The following PIK3CB variants were observed in gnomAD, a reference collection of about 807,000 sequenced individuals.
The protein encoded by PIK3CB is phosphatidylinositol 4,5-bisphosphate 3-kinase catalytic subunit beta isoform.
A neutral mutation model predicts 136.8 loss-of-function variants in PIK3CB; 39 were observed. The ratio of observed to expected loss-of-function variants is 0.29; its 90% CI spans 0.22 to 0.37. The LOEUF (loss-of-function observed/expected upper bound fraction) is 0.37. PIK3CB is among the 10% of genes least tolerant of loss of function. The pLI, the probability that PIK3CB is intolerant of heterozygous loss-of-function variation, is 1.00. For synonymous variants in PIK3CB, 428 were observed against 436.6 expected, an observed-to-expected ratio of 0.98 and a Z score of 0.25; for missense variants, 868 against 1,275.4, an observed-to-expected ratio of 0.68 and a Z score of 4.87.
chr3:138,667,833 G>A (rs1290689773), intron 19 of PIK3CB, among the ~76,000 whole-genome samples: 1 of 151,834 alleles, frequency 6.6e-6, no homozygotes, highest in Non-Finnish European at 1.5e-5. Context: ...TTGGGTGGCC[G>A]AGGCAGGTGG....
intron 1 of PIK3CB, among the ~76,000 whole-genome samples, chr3:138,814,650 C>G (rs1016238420): frequency 6.6e-6 from 1 of 152,060 alleles, no homozygotes; most frequent in Non-Finnish European, 1.5e-5. Flanking sequence ...CAACCGTTAT[C>G]CTTTGTCTCT....
At position 138,653,928 on chromosome 3, in the gene PIK3CB, G is replaced by A. The variant is rs1268543208; in HGVS notation, c.*1461C>T. On this transcript the variant is annotated 3_prime_UTR_variant, in exon 24 of 24. Transcript: ENST00000674063. Reference sequence around the variant, plus strand: ...CCATAATAAGCCTTAGCCTATTCCTGAGGTTGGTTTGTCTACTGACTTGGC... The same window carrying A: ...CCATAATAAGCCTTAGCCTATTCCTAAGGTTGGTTTGTCTACTGACTTGGC... 2 of 199,324 alleles carry A rather than the reference G, an allele frequency of 1.0e-5. No homozygotes were observed. 12.3% of individuals were successfully genotyped at this position (199,324 alleles called of 1,614,324 possible). A position where few individuals can be genotyped will look rare whatever the true frequency, so the allele number is the denominator to read the frequency against.
intron 1 of PIK3CB, among the ~76,000 whole-genome samples, chr3:138,806,513 TC>T (rs981579152): frequency 5.9e-5 from 9 of 152,074 alleles, no homozygotes; most frequent in African/African-American, 1.9e-4. Context: ...GTTATATTAT[TC>T]ACCCACATGA....
intron 2 of PIK3CB, among the ~76,000 whole-genome samples, chr3:138,785,788 C>T (rs754567705): frequency 8.0e-5 from 12 of 150,556 alleles, no homozygotes; most frequent in Admixed American, 1.3e-4. Flanking sequence ...CCAAATCCCC[C>T]GCTCCGAGAA....
At chr3:138,810,882 T>C (rs528598877) in intron 1 of PIK3CB, among the ~76,000 whole-genome samples, 1 of 151,820 alleles carries the variant, frequency 6.6e-6, no homozygotes, top group South Asian at 2.1e-4. Context: ...ATCGTGCCAC[T>C]GCACTCCAGC....
At chr3:138,789,100 C>A (rs1281756330) in intron 2 of PIK3CB, among the ~76,000 whole-genome samples, 1 of 151,294 alleles carries the variant, frequency 6.6e-6, no homozygotes, top group Non-Finnish European at 1.5e-5. Flanking sequence ...AATGGTATAG[C>A]CAGTATGGAA....
intron 6 of PIK3CB, among the ~76,000 whole-genome samples, chr3:138,735,829 G>T (rs926888893): frequency 6.6e-6 from 1 of 151,882 alleles, no homozygotes; most frequent in Admixed American, 6.6e-5. Context: ...ATACATTTTT[G>T]TCAGAGAAAA....
chr3:138,759,911 T>C (rs2045638312), intron 2 of PIK3CB, among the ~76,000 whole-genome samples: 1 of 152,058 alleles, frequency 6.6e-6, no homozygotes, highest in African/African-American at 2.4e-5. Flanking sequence ...GAGGGCCCTT[T>C]CTCTACAAGG....
chr3:138,653,424 C>T lies in PIK3CB; in HGVS notation c.*1965G>A, dbSNP rs181771529. Reference sequence around the variant, plus strand: ...GGAAAAACAGTTGACTTGAACTTCACTGATTTGGCATGTATTTATCAAGGC... The same window carrying T: ...GGAAAAACAGTTGACTTGAACTTCATTGATTTGGCATGTATTTATCAAGGC... On this transcript the variant is annotated 3_prime_UTR_variant, in exon 24 of 24. Coordinates refer to ENST00000674063, the MANE Select transcript of PIK3CB (RefSeq NM_006219.3). 1.8e-4 allele frequency: 31 copies of T among 175,822 alleles called. No individual in the cohort carries two copies. Among genetic ancestry groups the T allele is most frequent in the African/African-American group, 6.9e-4 (29 of 42,306 alleles). 10.9% of individuals were successfully genotyped at this position (175,822 alleles called of 1,614,324 possible). A position where few individuals can be genotyped will look rare whatever the true frequency, so the allele number is the denominator to read the frequency against.
chr3:138,806,074 G>A (rs2046231193), intron 1 of PIK3CB, among the ~76,000 whole-genome samples: 1 of 152,074 alleles, frequency 6.6e-6, no homozygotes, highest in Non-Finnish European at 1.5e-5. Context: ...AAAAGAATCA[G>A]AACTTCCTTA....
chr3:138,657,922 G>A, intron 21 of PIK3CB, 87 bp from the exon 22 acceptor site: 1 of 1,301,814 alleles, frequency 7.7e-7, no homozygotes, highest in Non-Finnish European at 1.1e-6. Context: ...TAGACCCCCA[G>A]GAACTATACC....
In PIK3CB at chr3:138,748,293, T is replaced by C. The variant is rs186193239; in HGVS notation, c.398-5512A>G. 5.3e-5 allele frequency among the ~76,000 whole-genome samples: 8 copies of C among 151,994 alleles called. No individual in the cohort carries two copies. The East Asian group carries it at 7.7e-4, about 15-fold the overall frequency. On this transcript the variant is annotated intron_variant, in intron 4 of 23. Transcript: ENST00000674063. The stretch of plus-strand genomic sequence containing the variant: ...GTATACTAACCCAACACCAATCACA[T>C]AAGATGCCTTGCTTCTAATTAGCCC...
At position 138,823,483 on chromosome 3, in the gene PIK3CB, T is replaced by C. The variant is rs545173070; in HGVS notation, c.-122+11212A>G. 4.6e-5 allele frequency among the ~76,000 whole-genome samples: 7 copies of C among 150,990 alleles called. No homozygotes were observed. The South Asian group carries it at 1.0e-3, about 23-fold the overall frequency. ...ACTTTGGGAGGTAGAGGTGGGCAGA[T>C]CACGAGGTCAGGAGATCGAGACCAT... On this transcript the variant is annotated intron_variant, in intron 1 of 23. Transcript: ENST00000674063.
chr3:138,783,292 T>C (rs1239761110), intron 2 of PIK3CB, among the ~76,000 whole-genome samples: 1 of 151,742 alleles, frequency 6.6e-6, no homozygotes, highest in African/African-American at 2.4e-5. Context: ...TTTTTTTTAA[T>C]TTTTTTTGGG....
chr3:138,662,419 T>G (rs1284458929), intron 21 of PIK3CB, among the ~76,000 whole-genome samples: 2 of 151,086 alleles, frequency 1.3e-5, no homozygotes, highest in Admixed American at 1.3e-4. Context: ...ATTTCATCCA[T>G]GTCCCTACAA....
Position 138,735,300 on chromosome 3 carries a change from G to C in PIK3CB, c.802-496C>G, listed in dbSNP as rs905396481. Among the ~76,000 whole-genome samples the C allele has an allele frequency of 2.6e-5, 4 of 152,054 alleles. No individual in the cohort carries two copies. The Middle Eastern group carries it at 0.014, about 517-fold the overall frequency. On this transcript the variant is annotated intron_variant, in intron 6 of 23. Transcript: ENST00000674063. ...ATACAAAAAATAGCTATCATTAACTGAACACCTAAGTACCTAAAGAAATGA... is the reference window on the plus strand; with the variant it reads ...ATACAAAAAATAGCTATCATTAACTCAACACCTAAGTACCTAAAGAAATGA...
chr3:138,658,238 C>A (rs892982367), intron 21 of PIK3CB, among the ~76,000 whole-genome samples: 8 of 152,064 alleles, frequency 5.3e-5, no homozygotes, highest in African/African-American at 1.9e-4. Flanking sequence ...CACTTGAAAC[C>A]AGGAGTTCAA....
intron 2 of PIK3CB, among the ~76,000 whole-genome samples, chr3:138,773,012 T>C (rs181410355): frequency 2.0e-5 from 3 of 152,034 alleles, no homozygotes; most frequent in Admixed American, 1.3e-4. Context: ...GGTCTCGAAC[T>C]CCTAACGTCA....
intron 8 of PIK3CB, among the ~76,000 whole-genome samples, chr3:138,729,772 T>A (rs1195929927): frequency 6.6e-6 from 1 of 152,190 alleles, no homozygotes; most frequent in Non-Finnish European, 1.5e-5. Flanking sequence ...CATAATCATT[T>A]AAGTCAATTT....
Sources: gnomAD v4.1 joint callset for allele counts (sites outside exome capture counted in the v4.1 genomes callset) on GRCh38, gnomAD v4.1.1 for gene constraint, MANE v1.5 for transcripts, NCBI Gene and HGNC (gene_info 2026-07-23, HGNC 2026-07-21) for gene names.